Variants in EHBP1 observed in about 807,000 individuals in gnomAD.
The protein encoded by EHBP1 is EH domain-binding protein 1.
EHBP1 carries 55 observed loss-of-function variants against 144.0 expected under a neutral mutation model. The ratio of observed to expected loss-of-function variants is 0.38; its 90% confidence interval spans 0.31 to 0.48. The LOEUF is 0.48. Among genes scored for constraint, EHBP1 ranks in the 20% least tolerant of loss-of-function variants. The pLI is 0.98. For synonymous variants in EHBP1, 469 were observed against 472.7 expected (o/e 0.99, Z 0.10); for missense variants, 1,200 against 1,364.2 (o/e 0.88, Z 1.90).
chr2:62,869,423 CTG>C (rs926152961), intron 9 of EHBP1, among the ~76,000 whole-genome samples: 5 of 152,106 alleles, frequency 3.3e-5, no homozygotes, highest in African/African-American at 7.2e-5. Flanking sequence ...GATAAACAAA[CTG>C]TGGCATATCC....
At chr2:62,841,855 A>G (rs1573652612) in intron 7 of EHBP1, among the ~76,000 whole-genome samples, 1 of 151,806 alleles carries the variant, frequency 6.6e-6, no homozygotes, top group East Asian at 1.9e-4. Flanking sequence ...CTCACCTTCT[A>G]CCTTGTCTTA....
At chr2:62,746,735 G>C (rs2039195454) in intron 2 of EHBP1, among the ~76,000 whole-genome samples, 1 of 151,944 alleles carries the variant, frequency 6.6e-6, no homozygotes, top group African/African-American at 2.4e-5. Flanking sequence ...TATTATTTTT[G>C]TTTGACTTTA....
intron 14 of EHBP1, among the ~76,000 whole-genome samples, chr2:62,977,099 G>A (rs1159903680): frequency 6.6e-6 from 1 of 151,048 alleles, no homozygotes; most frequent in Non-Finnish European, 1.5e-5. Flanking sequence ...ATCCTTCTAT[G>A]TCAGTCTATT....
At chr2:62,918,784 C>G (rs921073368) in intron 10 of EHBP1, among the ~76,000 whole-genome samples, 1 of 152,170 alleles carries the variant, frequency 6.6e-6, no homozygotes, top group Non-Finnish European at 1.5e-5. Context: ...ACTTATTGGT[C>G]TCAAGACCTC....
chr2:63,026,015 A>T (rs1406851496), intron 19 of EHBP1, among the ~76,000 whole-genome samples: 11 of 152,200 alleles, frequency 7.2e-5, no homozygotes, highest in Non-Finnish European at 1.5e-4. Flanking sequence ...GAGGGGATTT[A>T]AAAAGGCCGA....
intron 4 of EHBP1, among the ~76,000 whole-genome samples, chr2:62,770,972 A>C (rs1487822559): frequency 6.6e-6 from 1 of 152,154 alleles, no homozygotes; most frequent in South Asian, 2.1e-4. Flanking sequence ...ATGAACATGA[A>C]GAAGGGAACA....
At chr2:62,756,768 C>CAAAAAAAAAAAAAAAAAAAAAAAAAAAA (rs34717027) in intron 3 of EHBP1, among the ~76,000 whole-genome samples, 2 of 76,662 alleles carry the variant, frequency 2.6e-5, no homozygotes, top group African/African-American at 4.9e-5. Flanking sequence ...AACTCTATCT[C>CAAAAAAAAAAAAAAAAAAAAAAAAAAAA]AAAAAAAAAA....
chr2:62,682,370 C>A (rs2151731098), intron 1 of EHBP1, among the ~76,000 whole-genome samples: 1 of 152,150 alleles, frequency 6.6e-6, no homozygotes, highest in East Asian at 1.9e-4. Flanking sequence ...GTCTTCTTTT[C>A]TCTTGCTTGG....
chr2:62,753,157 G>A (rs1357804644), intron 3 of EHBP1, among the ~76,000 whole-genome samples: 2 of 152,148 alleles, frequency 1.3e-5, no homozygotes, highest in African/African-American at 4.8e-5. Context: ...TCCTTTGTAT[G>A]TTTAGTGCTT....
intron 5 of EHBP1, among the ~76,000 whole-genome samples, chr2:62,773,102 G>A (rs1485278567): frequency 1.3e-5 from 2 of 152,226 alleles, no homozygotes; most frequent in East Asian, 1.9e-4. Context: ...TAGGGCAACT[G>A]TCATAAATTA....
At chr2:62,991,615 G>A (rs181501065) in intron 16 of EHBP1, among the ~76,000 whole-genome samples, 3 of 152,234 alleles carry the variant, frequency 2.0e-5, no homozygotes, top group African/African-American at 7.2e-5. Flanking sequence ...CTTACCTTGT[G>A]TAACATTTTA....
intron 3 of EHBP1, among the ~76,000 whole-genome samples, chr2:62,755,413 GT>G (rs143776661): frequency 6.8e-6 from 1 of 147,862 alleles, no homozygotes; most frequent in Non-Finnish European, 1.5e-5. Context: ...ATGAACATTT[GT>G]TTTTTTTTTC....
Position 62,754,735 on chromosome 2 carries a change from G to T in EHBP1, c.162+7283G>T, listed in dbSNP as rs1558613873. On this transcript the variant is annotated intron_variant, in intron 3 of 22. Transcript: ENST00000431489. ...GCTGCTGCCTTGCAGTTCAATCTCC[G>T]ACTGCTGTACTAGCAATGGGCAGGG... Among the ~76,000 whole-genome samples, 4 of 152,294 alleles carry T rather than the reference G, an allele frequency of 2.6e-5. No individual in the cohort carries two copies. In the South Asian group the frequency reaches 8.3e-4, roughly 32 times the overall value.
intron 10 of EHBP1, among the ~76,000 whole-genome samples, chr2:62,890,780 A>G (rs2052393356): frequency 1.3e-5 from 2 of 152,232 alleles, no homozygotes; most frequent in African/African-American, 2.4e-5. Context: ...CCAAATAGGA[A>G]GAGAGGAAGT....
At chr2:62,834,570 T>G (rs1029760021) in intron 7 of EHBP1, among the ~76,000 whole-genome samples, 2 of 152,230 alleles carry the variant, frequency 1.3e-5, no homozygotes, top group African/African-American at 2.4e-5. Flanking sequence ...GCACACTTAA[T>G]AGACTATAGT....
chr2:62,780,145 A>G (rs180902404), intron 5 of EHBP1, among the ~76,000 whole-genome samples: 49 of 152,190 alleles, frequency 3.2e-4, no homozygotes, highest in South Asian at 2.5e-3. Flanking sequence ...TGCACATTCA[A>G]TATTATCTTG....
chr2:63,034,906 T>A lies in EHBP1; in HGVS notation c.3104-2629T>A, dbSNP rs556600831. Among the ~76,000 whole-genome samples the A allele has an allele frequency of 3.9e-5, 6 of 152,144 alleles. No homozygotes were observed. The East Asian group carries it at 1.2e-3, about 29-fold the overall frequency. On this transcript the variant is annotated intron_variant, in intron 19 of 22. Transcript: ENST00000431489. ...GAAAAATATATTGTACTTTGAAAAG[T>A]GTCTAAGCTGAGGAAGTTGCATTCT...
At chr2:62,771,318 C>T (rs1454027534) in intron 4 of EHBP1, 21 bp from the exon 5 acceptor site, 4 of 1,576,678 alleles carry the variant, frequency 2.5e-6, no homozygotes, top group Non-Finnish European at 3.5e-6. Context: ...AATTCCATTT[C>T]ATATTTTGCT....
chr2:62,817,199 A>G (rs2045512363), intron 5 of EHBP1, among the ~76,000 whole-genome samples: 1 of 152,172 alleles, frequency 6.6e-6, no homozygotes, highest in Admixed American at 6.5e-5. Flanking sequence ...ATATTTGCTC[A>G]TGTAAGTTAA....
Sources: allele counts gnomAD v4.1 joint callset (sites outside exome capture counted in the v4.1 genomes callset), GRCh38; gene constraint gnomAD v4.1.1; transcripts MANE v1.5; gene names NCBI Gene and HGNC (gene_info 2026-07-23, HGNC 2026-07-21).